NRG3: variants seen among roughly 807,000 people sequenced by gnomAD.
NRG3 encodes the protein pro-neuregulin-3, membrane-bound isoform.
Under a neutral mutation model 66.9 loss-of-function variants are expected in NRG3, and 31 were observed. The ratio of observed to expected loss-of-function variants is 0.46; its 90% CI spans 0.35 to 0.63. The LOEUF is 0.63. NRG3 is among the 20% of genes least tolerant of loss of function. The pLI is 0.00. For synonymous variants in NRG3, 393 were observed against 359.4 expected (o/e 1.09, Z -1.06); for missense variants, 910 against 878.9 (o/e 1.04, Z -0.45).
At chr10:82,028,791 A>C (rs752484842) in intron 1 of NRG3, among the ~76,000 whole-genome samples, 12 of 152,146 alleles carry the variant, frequency 7.9e-5, no homozygotes, top group Non-Finnish European at 1.8e-4. Flanking sequence ...TACTTACATA[A>C]AGCACAAAAT....
At chr10:82,755,453 A>C (rs2059039184) in intron 3 of NRG3, among the ~76,000 whole-genome samples, 1 of 152,084 alleles carries the variant, frequency 6.6e-6, no homozygotes, top group South Asian at 2.1e-4. Flanking sequence ...CTGCCCAAAA[A>C]ATCATCTAGA....
chr10:82,809,823 A>AC (rs924546689), intron 3 of NRG3, among the ~76,000 whole-genome samples: 8 of 151,968 alleles, frequency 5.3e-5, no homozygotes, highest in African/African-American at 1.9e-4. Flanking sequence ...AGTGATTTAC[A>AC]CCCCCATTCT....
chr10:82,518,257 G>A (rs574343638), intron 2 of NRG3, among the ~76,000 whole-genome samples: 1 of 152,282 alleles, frequency 6.6e-6, no homozygotes, highest in South Asian at 2.1e-4. Context: ...TGAAGTCAAA[G>A]TTGTTTACAT....
At chr10:82,891,740 C>T (rs539633357) in intron 4 of NRG3, among the ~76,000 whole-genome samples, 3 of 151,950 alleles carry the variant, frequency 2.0e-5, no homozygotes, top group African/African-American at 7.2e-5. Context: ...TTTTTGTTCT[C>T]TCTTAAATTT....
intron 2 of NRG3, among the ~76,000 whole-genome samples, chr10:82,390,307 A>G (rs929851842): frequency 7.2e-5 from 11 of 151,736 alleles, no homozygotes; most frequent in African/African-American, 2.7e-4. Context: ...GCCATATTTT[A>G]CTTGAGTTAA....
intron 3 of NRG3, among the ~76,000 whole-genome samples, chr10:82,834,142 C>A (rs1223076865): frequency 6.6e-6 from 1 of 152,132 alleles, no homozygotes; most frequent in Non-Finnish European, 1.5e-5. Flanking sequence ...ATAGTGAAAG[C>A]TTTGCTATAT....
chr10:82,105,994 A>T (rs2067036913), intron 1 of NRG3, among the ~76,000 whole-genome samples: 1 of 152,200 alleles, frequency 6.6e-6, no homozygotes, highest in Non-Finnish European at 1.5e-5. Flanking sequence ...ATTACAACAA[A>T]GATCTGTTCT....
At chr10:82,470,729 T>C (rs544431067) in intron 2 of NRG3, among the ~76,000 whole-genome samples, 28 of 152,344 alleles carry the variant, frequency 1.8e-4, no homozygotes, top group African/African-American at 6.5e-4. Context: ...CCAGCTCTGG[T>C]TGCTGTCCTG....
At chr10:81,955,053 T>TTA (rs201611163) in intron 1 of NRG3, among the ~76,000 whole-genome samples, 2,819 of 151,196 alleles carry the variant, frequency 0.019, 34 homozygotes, top group Middle Eastern at 0.049. Context: ...TTCTGTTACA[T>TTA]TATATATATA....
At chr10:82,853,358 A>G (rs1027188885) in intron 3 of NRG3, among the ~76,000 whole-genome samples, 6 of 152,130 alleles carry the variant, frequency 3.9e-5, no homozygotes, top group South Asian at 2.1e-4. Context: ...TGGGAATTGC[A>G]TTGAATTTGT....
chr10:82,279,950 T>C (rs556738611), intron 1 of NRG3, among the ~76,000 whole-genome samples: 4 of 152,212 alleles, frequency 2.6e-5, no homozygotes, highest in Non-Finnish European at 5.9e-5. Context: ...CTTTTTAAAA[T>C]AAATGAGAGA....
At chr10:82,216,389 C>T (rs1273378942) in intron 1 of NRG3, among the ~76,000 whole-genome samples, 2 of 151,754 alleles carry the variant, frequency 1.3e-5, no homozygotes, top group East Asian at 3.9e-4. Context: ...GATATATACT[C>T]TGGAGTATAC....
intron 2 of NRG3, among the ~76,000 whole-genome samples, chr10:82,379,730 A>G (rs1233361978): frequency 1.3e-5 from 2 of 152,236 alleles, no homozygotes; most frequent in East Asian, 3.9e-4. Context: ...TATGTATATT[A>G]CATTTGAAGC....
At chr10:82,458,993 C>G (rs1458191797) in intron 2 of NRG3, among the ~76,000 whole-genome samples, 1 of 152,172 alleles carries the variant, frequency 6.6e-6, no homozygotes, top group East Asian at 1.9e-4. Context: ...CTGGCAGTTT[C>G]TCTTAGATTG....
At position 82,371,437 on chromosome 10, in the gene NRG3, T is replaced by A. The variant is rs151310789; in HGVS notation, c.953+12569T>A. Among the ~76,000 whole-genome samples, 456 of 152,328 alleles carry A rather than the reference T, an allele frequency of 3.0e-3. 2 individuals are homozygous for A. Among genetic ancestry groups the A allele is most frequent in the African/African-American group, 0.01 (430 of 41,574 alleles). On this transcript the variant is annotated intron_variant, in intron 2 of 8. Coordinates refer to ENST00000372141, the MANE Select transcript of NRG3 (RefSeq NM_001010848.4). ...AATGACAATTTAATACATTCTTTTATCATTCTGCCAATGTTTATTAAGCAT... is the reference window on the plus strand; with the variant it reads ...AATGACAATTTAATACATTCTTTTAACATTCTGCCAATGTTTATTAAGCAT...
At chr10:81,975,319 A>ATCTGTCTG (rs1158356684) in intron 1 of NRG3, among the ~76,000 whole-genome samples, 1 of 8,296 alleles carries the variant, frequency 1.2e-4, no homozygotes, top group African/African-American at 4.8e-4. Flanking sequence ...TGTAACATCT[A>ATCTGTCTG]TCTATCTATC....
At chr10:82,669,344 AAGGTGCT>A (rs2134022164) in intron 2 of NRG3, among the ~76,000 whole-genome samples, 1 of 151,732 alleles carries the variant, frequency 6.6e-6, no homozygotes, top group East Asian at 1.9e-4. Context: ...TCCCAGTACT[AAGGTGCT>A]TTGGGGCAAT....
At chr10:82,239,494 T>C (rs2076913413) in intron 1 of NRG3, among the ~76,000 whole-genome samples, 2 of 152,204 alleles carry the variant, frequency 1.3e-5, no homozygotes, top group African/African-American at 4.8e-5. Context: ...TCTGTGTCTT[T>C]ACAACCATTT....
chr10:82,465,380 A>G (rs774481072), intron 2 of NRG3, among the ~76,000 whole-genome samples: 1 of 152,140 alleles, frequency 6.6e-6, no homozygotes, highest in Non-Finnish European at 1.5e-5. Context: ...AGAAGAGAGG[A>G]CTTGCTTCCC....
Sources: allele counts gnomAD v4.1 joint callset (sites outside exome capture counted in the v4.1 genomes callset), GRCh38; gene constraint gnomAD v4.1.1; transcripts MANE v1.5; gene names NCBI Gene and HGNC (gene_info 2026-07-23, HGNC 2026-07-21).